Variants in ASTN2 observed in about 807,000 individuals in gnomAD.
ASTN2 encodes the protein astrotactin-2.
Under a neutral mutation model 139.8 loss-of-function variants are expected in ASTN2, and 54 were observed. The ratio of observed to expected loss-of-function variants is 0.39; its 90% CI spans 0.31 to 0.48. The LOEUF (loss-of-function observed/expected upper bound fraction) is 0.48. ASTN2 is among the 20% of genes least tolerant of loss of function. The pLI is 0.95. For missense variants in ASTN2, 1,565 were observed against 1,725.1 expected (o/e 0.91, Z 1.64); for synonymous variants, 756 against 719.5 (o/e 1.05, Z -0.81).
intron 17 of ASTN2, among the ~76,000 whole-genome samples, chr9:116,632,244 A>AGAAG (rs1564169283): frequency 1.5e-4 from 18 of 119,052 alleles, no homozygotes; most frequent in South Asian, 5.5e-4. Context: ...AAAGAAAGAA[A>AGAAG]GAAAGAAGGA....
At chr9:116,754,414 T>C (rs1829483800) in intron 13 of ASTN2, among the ~76,000 whole-genome samples, 1 of 152,252 alleles carries the variant, frequency 6.6e-6, no homozygotes, top group African/African-American at 2.4e-5. Flanking sequence ...TGAACTAATT[T>C]ACACTCACAC....
intron 19 of ASTN2, among the ~76,000 whole-genome samples, chr9:116,535,859 T>C (rs143857444): frequency 0.026 from 3,891 of 152,276 alleles, 143 homozygotes; most frequent in African/African-American, 0.081. Flanking sequence ...TTGAGGATTA[T>C]CTTTGTGGCT....
intron 20 of ASTN2, among the ~76,000 whole-genome samples, chr9:116,462,386 C>T (rs990150364): frequency 6.6e-6 from 1 of 152,188 alleles, no homozygotes; most frequent in Admixed American, 6.6e-5. Context: ...AACAGCTTGG[C>T]TTCAGAGCCA....
At chr9:117,052,256 T>C (rs1354815367) in intron 5 of ASTN2, among the ~76,000 whole-genome samples, 3 of 151,574 alleles carry the variant, frequency 2.0e-5, no homozygotes, top group African/African-American at 7.3e-5. Context: ...CTGGCTAACG[T>C]GGTGAAACCC....
chr9:116,538,274 AAGG>A (rs1851730425), intron 19 of ASTN2, among the ~76,000 whole-genome samples: 1 of 151,782 alleles, frequency 6.6e-6, no homozygotes, highest in East Asian at 1.9e-4. Flanking sequence ...GAAAGGAAGA[AAGG>A]AGCAAACGGA....
At chr9:116,929,815 A>G (rs915727712) in intron 10 of ASTN2, among the ~76,000 whole-genome samples, 1 of 152,180 alleles carries the variant, frequency 6.6e-6, no homozygotes, top group African/African-American at 2.4e-5. Flanking sequence ...AAAACTTTGA[A>G]GGAATAGTCT....
intron 19 of ASTN2, chr9:116,611,518 A>C (rs1855538091): frequency 6.6e-6 from 1 of 152,160 alleles, no homozygotes; most frequent in Admixed American, 6.6e-5. Flanking sequence ...AGCCAAACTG[A>C]TCTAGAAAAA....
intron 19 of ASTN2, among the ~76,000 whole-genome samples, chr9:116,589,980 C>T (rs1854313250): frequency 6.6e-6 from 1 of 152,230 alleles, no homozygotes; most frequent in African/African-American, 2.4e-5. Context: ...GGCATCTGGG[C>T]TATGCATACT....
chr9:117,071,488 G>C (rs2132709263), intron 5 of ASTN2, among the ~76,000 whole-genome samples: 1 of 150,274 alleles, frequency 6.7e-6, no homozygotes, highest in East Asian at 2.0e-4. Flanking sequence ...TGCCCCCAGA[G>C]GTGGAGCCTA....
At chr9:116,988,397 T>C (rs115010945) in intron 7 of ASTN2, among the ~76,000 whole-genome samples, 67 of 152,316 alleles carry the variant, frequency 4.4e-4, no homozygotes, top group African/African-American at 1.5e-3. Context: ...CTGGTGGCTT[T>C]CCTGACCATG....
intron 6 of ASTN2, among the ~76,000 whole-genome samples, chr9:117,008,572 G>T (rs1332002169): frequency 6.6e-6 from 1 of 152,136 alleles, no homozygotes; most frequent in African/African-American, 2.4e-5. Context: ...CTGGGTCTTG[G>T]TTACTTCCTC....
At chr9:116,572,490 C>T (rs966837368) in intron 19 of ASTN2, among the ~76,000 whole-genome samples, 3 of 152,088 alleles carry the variant, frequency 2.0e-5, no homozygotes, top group African/African-American at 7.2e-5. Flanking sequence ...CCGTTGAAAG[C>T]GAGATGTTTT....
At chr9:117,178,016 A>C (rs950975967) in intron 3 of ASTN2, among the ~76,000 whole-genome samples, 3 of 152,032 alleles carry the variant, frequency 2.0e-5, no homozygotes, top group Non-Finnish European at 2.9e-5. Flanking sequence ...CACCATCTAT[A>C]ATTCTCACCT....
chr9:116,578,169 G>A (rs971293767), intron 19 of ASTN2, among the ~76,000 whole-genome samples: 7 of 152,120 alleles, frequency 4.6e-5, no homozygotes, highest in African/African-American at 1.7e-4. Context: ...ACCCAGAAGA[G>A]CAATGATGAG....
At position 116,457,148 on chromosome 9, in the gene ASTN2, T is replaced by C. The variant is rs10983169; in HGVS notation, c.3498-14595A>G. Among the ~76,000 whole-genome samples, 1,980 of 152,292 alleles carry C rather than the reference T, an allele frequency of 0.013. 182 individuals carry two copies. The South Asian group carries it at 0.21, about 16-fold the overall frequency. ...TGGTGCTGAGAAAACTGGGTATCCA[T>C]ATATCAAAGAAAGAAACTAGAGTGC... On this transcript the variant is annotated intron_variant, in intron 20 of 22. Coordinates refer to ENST00000313400, the MANE Select transcript of ASTN2 (RefSeq NM_001365068.1).
At chr9:117,230,898 G>A (rs192480789) in intron 2 of ASTN2, among the ~76,000 whole-genome samples, 1 of 152,198 alleles carries the variant, frequency 6.6e-6, no homozygotes, top group Non-Finnish European at 1.5e-5. Flanking sequence ...AACTCCACTC[G>A]CCTTTTAAGA....
intron 6 of ASTN2, among the ~76,000 whole-genome samples, chr9:117,031,884 A>C (rs1838257209): frequency 6.6e-6 from 1 of 152,212 alleles, no homozygotes; most frequent in East Asian, 1.9e-4. Flanking sequence ...AAACAAGTAA[A>C]AAAGAAGACA....
chr9:117,146,274 A>G (rs1308536791), intron 3 of ASTN2, among the ~76,000 whole-genome samples: 1 of 152,128 alleles, frequency 6.6e-6, no homozygotes, highest in African/African-American at 2.4e-5. Flanking sequence ...TGAATGCAAC[A>G]GATGCTGCTT....
At chr9:116,909,996 T>C (rs192351114) in intron 10 of ASTN2, among the ~76,000 whole-genome samples, 84 of 152,218 alleles carry the variant, frequency 5.5e-4, no homozygotes, top group African/African-American at 1.8e-3. Context: ...GAATTGAAGA[T>C]GGTGCAAACA....
Sources: gnomAD v4.1 joint callset for allele counts (sites outside exome capture counted in the v4.1 genomes callset) on GRCh38, gnomAD v4.1.1 for gene constraint, MANE v1.5 for transcripts, NCBI Gene and HGNC (gene_info 2026-07-23, HGNC 2026-07-21) for gene names.